SP100: variants seen among roughly 807,000 people sequenced by gnomAD.
SP100 encodes SP100 nuclear body protein.
SP100 carries 84 observed loss-of-function variants against 130.0 expected under a neutral mutation model. That is an observed-to-expected ratio of 0.65 (90% CI 0.54 to 0.77). The LOEUF is 0.77. SP100 is among the 30% of genes least tolerant of loss of function. The pLI is 0.00. For missense variants in SP100, 978 were observed against 1,052.2 expected, an observed-to-expected ratio of 0.93 and a Z score of 0.97; for synonymous variants, 331 against 351.7, an observed-to-expected ratio of 0.94 and a Z score of 0.66.
At chr2:230,497,932 C>T (rs2150053932) in intron 18 of SP100, among the ~76,000 whole-genome samples, 1 of 152,308 alleles carries the variant, frequency 6.6e-6, no homozygotes, top group Middle Eastern at 3.4e-3. Context: ...GCTAGTGTGT[C>T]ACCATCATAA....
At chr2:230,477,743 C>G (rs528852729) in intron 17 of SP100, among the ~76,000 whole-genome samples, 120 of 152,234 alleles carry the variant, frequency 7.9e-4, no homozygotes, top group African/African-American at 2.8e-3. Context: ...TCTCCCAACT[C>G]CTTCCCAAGT....
chr2:230,470,610 A>T (rs1042583324), intron 15 of SP100: 31 of 215,636 alleles, frequency 1.4e-4, no homozygotes, highest in African/African-American at 7.0e-4. Context: ...TTGGCAAATA[A>T]TATCTTATTT....
At chr2:230,439,811 T>C (rs73000239) in intron 2 of SP100, among the ~76,000 whole-genome samples, 23,262 of 152,048 alleles carry the variant, frequency 0.15, 1,971 homozygotes, top group Non-Finnish European at 0.19. Context: ...AGGATGCCCT[T>C]TATTTCTTTC....
At chr2:230,456,362 C>T (rs2064275658) in intron 8 of SP100, among the ~76,000 whole-genome samples, 1 of 152,156 alleles carries the variant, frequency 6.6e-6, no homozygotes, top group Non-Finnish European at 1.5e-5. Flanking sequence ...TGAATCTTGA[C>T]AGCTTGATTA....
chr2:230,423,315 A>G (rs924229267), intron 2 of SP100, among the ~76,000 whole-genome samples: 3 of 152,122 alleles, frequency 2.0e-5, no homozygotes, highest in Admixed American at 2.0e-4. Flanking sequence ...TCTTATATAA[A>G]GTTTTAATCC....
chr2:230,426,769 A>G (rs964721273), intron 2 of SP100, among the ~76,000 whole-genome samples: 8 of 152,134 alleles, frequency 5.3e-5, no homozygotes, highest in Admixed American at 3.3e-4. Flanking sequence ...GGTCTATTTG[A>G]TCTAAAGTCT....
chr2:230,540,233 G>A (rs566505148), intron 25 of SP100, among the ~76,000 whole-genome samples: 12 of 152,250 alleles, frequency 7.9e-5, no homozygotes, highest in South Asian at 2.1e-4. Flanking sequence ...ATGGCCAAGG[G>A]GATGCTGGCA....
intron 4 of SP100, 118 bp downstream of exon 4, chr2:230,444,464 C>T: frequency 1.3e-6 from 1 of 760,612 alleles, no homozygotes; most frequent in Non-Finnish European, 2.2e-6. Context: ...GAGTAGTTAA[C>T]AAAATAGACA....
chr2:230,496,521 T>C (rs933436443), intron 18 of SP100, among the ~76,000 whole-genome samples: 10 of 152,080 alleles, frequency 6.6e-5, no homozygotes, highest in Non-Finnish European at 2.9e-5. Context: ...TCATACTATA[T>C]AGGTTGGTGC....
intron 2 of SP100, among the ~76,000 whole-genome samples, chr2:230,420,113 T>G (rs886969990): frequency 3.9e-5 from 6 of 152,208 alleles, no homozygotes; most frequent in African/African-American, 1.4e-4. Context: ...GGGACCTTGT[T>G]GGGTCGCTTT....
intron 8 of SP100, among the ~76,000 whole-genome samples, chr2:230,451,754 A>C (rs1198280269): frequency 2.6e-5 from 4 of 152,192 alleles, no homozygotes; most frequent in Admixed American, 2.6e-4. Context: ...ATTTTCTTCT[A>C]GTAGTTTTAC....
intron 17 of SP100, among the ~76,000 whole-genome samples, chr2:230,474,840 A>G (rs889039860): frequency 4.6e-5 from 7 of 152,178 alleles, no homozygotes; most frequent in South Asian, 4.2e-4. Context: ...CGCTCCATCC[A>G]TGTTGCTGCG....
rs749787507 is a variant in SP100 at position 230,442,955 on chromosome 2, G to A, written c.126G>A (p.Gln42=). ...TCCCTAGGATGTTCACGGAAGACCA[G>A]GGTGTAGATGACAGGCTGCTCTATG... ...HDLQRMFTED[Q]GVDDRLLYDI... Residue 42 remains glutamine (Q), a synonymous_variant, in exon 3 of 29, where the codon CAG becomes CAA. Coordinates refer to ENST00000340126, the MANE Select transcript of SP100 (RefSeq NM_001080391.2). The A allele has an allele frequency of 2.5e-6, 4 of 1,613,826 alleles. No homozygotes were observed. The highest frequency in any genetic ancestry group is 3.4e-6 in the Non-Finnish European group (4 of 1,179,864).
intron 25 of SP100, among the ~76,000 whole-genome samples, 199 bp downstream of exon 25, chr2:230,539,581 C>A (rs1692083621): frequency 6.6e-6 from 1 of 152,162 alleles, no homozygotes; most frequent in Non-Finnish European, 1.5e-5. Context: ...TAATGGGAAG[C>A]AAAAACTCTT....
rs10636838 is a variant in SP100 at position 230,508,311 on chromosome 2, C to CTTTTTTTT, written c.2052+293_2052+300dup. On this transcript the variant is annotated intron_variant, in intron 23 of 28. Transcript: ENST00000340126. ...TTTAGTAAAGGAGCTAAATGCCATA[C>CTTTTTTTT]TTTTTTTTTTTTTTTTTTTTAAGAG... 8.8e-5 allele frequency: 13 copies of CTTTTTTTT among 148,190 alleles called. 1 individual carries two copies. The highest frequency in any genetic ancestry group is 3.1e-4 in the South Asian group (2 of 6,412). 9.2% of individuals were successfully genotyped at this position (148,190 alleles called of 1,614,324 possible).
At chr2:230,450,446 T>G (rs562538822) in intron 8 of SP100, among the ~76,000 whole-genome samples, 191 bp downstream of exon 8, 29 of 152,346 alleles carry the variant, frequency 1.9e-4, no homozygotes, top group African/African-American at 6.5e-4. Flanking sequence ...TAATTAGAGC[T>G]AATTAGCATA....
chr2:230,533,789 A>T (rs188087875), intron 24 of SP100, among the ~76,000 whole-genome samples: 42 of 152,334 alleles, frequency 2.8e-4, no homozygotes, highest in Admixed American at 2.5e-3. Flanking sequence ...GTGTCAGAAT[A>T]ACAGCATTTT....
intron 18 of SP100, among the ~76,000 whole-genome samples, chr2:230,494,988 C>G (rs753556612): frequency 1.3e-5 from 2 of 152,160 alleles, no homozygotes; most frequent in Non-Finnish European, 2.9e-5. Flanking sequence ...CCTACTTGCC[C>G]TTTATGTTTG....
chr2:230,529,416 A>G (rs932381120), intron 24 of SP100, among the ~76,000 whole-genome samples: 1 of 152,248 alleles, frequency 6.6e-6, no homozygotes, highest in Non-Finnish European at 1.5e-5. Flanking sequence ...CTAGGTATTG[A>G]TGGAATGTAT....
Sources: allele counts gnomAD v4.1 joint callset (sites outside exome capture counted in the v4.1 genomes callset), GRCh38; gene constraint gnomAD v4.1.1; transcripts MANE v1.5; gene names NCBI Gene and HGNC (gene_info 2026-07-23, HGNC 2026-07-21).